CALN1: variants seen among roughly 807,000 people sequenced by gnomAD.
The protein encoded by CALN1 is calneuron 1.
In CALN1, 17 loss-of-function variants were observed where a neutral mutation model predicts 30.6. The observed-to-expected ratio is 0.56, with a 90% confidence interval of 0.38 to 0.83. CALN1 has a LOEUF of 0.83. Among genes scored for constraint, CALN1 ranks in the 40% least tolerant of loss-of-function variants. The probability of loss-of-function intolerance (pLI) is 0.00; values close to 1 mark genes in which losing one functional copy is unlikely to be tolerated. For synonymous variants in CALN1, 156 were observed against 131.4 expected (o/e 1.19, Z -1.28); for missense variants, 291 against 354.9 (o/e 0.82, Z 1.45).
intron 5 of CALN1, among the ~76,000 whole-genome samples, chr7:71,946,690 A>G (rs563298863): frequency 2.0e-5 from 3 of 151,132 alleles, no homozygotes; most frequent in Non-Finnish European, 4.4e-5. Flanking sequence ...CACATACATC[A>G]TTTTCCCACA....
intron 3 of CALN1, among the ~76,000 whole-genome samples, chr7:72,224,521 C>A (rs896408433): frequency 6.6e-6 from 1 of 152,168 alleles, no homozygotes; most frequent in Non-Finnish European, 1.5e-5. Flanking sequence ...TGGTGGCTCA[C>A]GTCTGTAATC....
the CALN1 span, among the ~76,000 whole-genome samples, chr7:72,489,251 C>T: frequency 6.6e-6 from 1 of 152,116 alleles, no homozygotes; most frequent in Non-Finnish European, 1.5e-5. Flanking sequence ...TCTCCCTTGA[C>T]CAAAAAGAAT....
chr7:72,220,233 T>C (rs1585196952), intron 3 of CALN1, among the ~76,000 whole-genome samples: 1 of 129,334 alleles, frequency 7.7e-6, no homozygotes, highest in Non-Finnish European at 1.6e-5. Flanking sequence ...GATGTTCCCC[T>C]TCCTGTGTCC....
At chr7:71,985,889 C>T (rs913935337) in intron 5 of CALN1, among the ~76,000 whole-genome samples, 1 of 151,846 alleles carries the variant, frequency 6.6e-6, no homozygotes, top group African/African-American at 2.4e-5. Context: ...TGTACCTGGC[C>T]AGTAGTTATG....
intron 2 of CALN1, among the ~76,000 whole-genome samples, chr7:72,389,268 C>T (rs948252508): frequency 3.9e-5 from 6 of 152,302 alleles, no homozygotes; most frequent in African/African-American, 1.4e-4. Flanking sequence ...TCTCCTGCCT[C>T]TTTCTCATTT....
chr7:72,227,655 T>TA (rs1223514145), intron 3 of CALN1, among the ~76,000 whole-genome samples: 1 of 151,830 alleles, frequency 6.6e-6, no homozygotes. Context: ...ACTACCTGAG[T>TA]GAGAGGTCCA....
intron 3 of CALN1, among the ~76,000 whole-genome samples, chr7:72,182,835 C>T (rs1381420221): frequency 6.6e-6 from 1 of 150,694 alleles, no homozygotes; most frequent in Non-Finnish European, 1.5e-5. Flanking sequence ...TGTAAAGGCA[C>T]AAAGTTGTGA....
At chr7:72,395,833 C>T (rs978188899) in intron 2 of CALN1, among the ~76,000 whole-genome samples, 6 of 152,012 alleles carry the variant, frequency 3.9e-5, no homozygotes, top group Non-Finnish European at 8.8e-5. Flanking sequence ...AAAATCCTCC[C>T]CCTGGGGACT....
chr7:72,350,879 G>A (rs564921478), intron 2 of CALN1, among the ~76,000 whole-genome samples: 4 of 152,276 alleles, frequency 2.6e-5, no homozygotes, highest in South Asian at 2.1e-4. Context: ...GGTGGCTCAC[G>A]CCTGTAATCC....
chr7:72,032,122 G>A (rs192383168), intron 4 of CALN1, among the ~76,000 whole-genome samples: 3 of 136,372 alleles, frequency 2.2e-5, no homozygotes, highest in East Asian at 2.3e-4. Context: ...GCAGTGGCAC[G>A]ATCTCAGCTC....
intron 5 of CALN1, among the ~76,000 whole-genome samples, chr7:72,015,713 G>T (rs1465791271): frequency 6.6e-6 from 1 of 151,990 alleles, no homozygotes; most frequent in African/African-American, 2.4e-5. Context: ...TAAAGTGCTG[G>T]GATTATAGGT....
chr7:72,088,056 T>C (rs1805598507), intron 4 of CALN1, among the ~76,000 whole-genome samples: 1 of 152,104 alleles, frequency 6.6e-6, no homozygotes. Context: ...TAGTCCCAGC[T>C]ACTCTAGAGG....
intron 2 of CALN1, among the ~76,000 whole-genome samples, chr7:72,358,434 C>T (rs1259950690): frequency 6.7e-6 from 1 of 150,170 alleles, no homozygotes; most frequent in East Asian, 1.9e-4. Context: ...GTTCTCTCTC[C>T]TCAGCTCTCC....
At chr7:72,265,124 A>G (rs1316208879) in intron 3 of CALN1, among the ~76,000 whole-genome samples, 3 of 152,162 alleles carry the variant, frequency 2.0e-5, no homozygotes, top group African/African-American at 7.2e-5. Flanking sequence ...CCCAAGCTAA[A>G]CCAGGAAGTT....
intron 5 of CALN1, among the ~76,000 whole-genome samples, chr7:72,009,063 G>A (rs896282266): frequency 1.4e-4 from 22 of 152,182 alleles, no homozygotes; most frequent in Admixed American, 8.5e-4. Flanking sequence ...ATAGACTGAA[G>A]AACAATTAAC....
At chr7:72,380,743 A>G (rs536136953) in intron 2 of CALN1, among the ~76,000 whole-genome samples, 1 of 152,314 alleles carries the variant, frequency 6.6e-6, no homozygotes, top group East Asian at 1.9e-4. Context: ...ATAGATAGAT[A>G]GTGTTAAAGT....
chr7:72,232,407 A>G (rs1210593531), intron 3 of CALN1, among the ~76,000 whole-genome samples: 1 of 152,260 alleles, frequency 6.6e-6, no homozygotes, highest in Non-Finnish European at 1.5e-5. Flanking sequence ...AGATGGTTAA[A>G]TAAGTTATTG....
At chr7:72,241,974 C>T (rs145464158) in intron 3 of CALN1, among the ~76,000 whole-genome samples, 10 of 152,302 alleles carry the variant, frequency 6.6e-5, no homozygotes, top group Non-Finnish European at 1.2e-4. Context: ...ATCCTCAGGA[C>T]TTTTTCATTA....
intron 2 of CALN1, among the ~76,000 whole-genome samples, chr7:72,364,822 T>C (rs1236803686): frequency 6.6e-6 from 1 of 152,168 alleles, no homozygotes; most frequent in African/African-American, 2.4e-5. Flanking sequence ...TCAAAAGTAG[T>C]ATTAGTATTC....
Sources: allele counts gnomAD v4.1 joint callset (sites outside exome capture counted in the v4.1 genomes callset), GRCh38; gene constraint gnomAD v4.1.1; transcripts MANE v1.5; gene names NCBI Gene and HGNC (gene_info 2026-07-23, HGNC 2026-07-21).